The following DDHD1 variants were observed in gnomAD, a reference collection of about 807,000 sequenced individuals.
The protein encoded by DDHD1 is DDHD domain containing 1.
DDHD1 carries 49 observed loss-of-function variants against 96.4 expected under a neutral mutation model. That is an observed-to-expected ratio of 0.51 (90% confidence interval 0.40 to 0.64). The LOEUF (loss-of-function observed/expected upper bound fraction) is 0.64. Ranked by LOEUF, DDHD1 falls within the 30% of genes least tolerant of loss-of-function variation. DDHD1 has a pLI of 0.00. For missense variants in DDHD1, 1,106 were observed against 1,161.2 expected, an observed-to-expected ratio of 0.95 and a Z score of 0.69; for synonymous variants, 442 against 446.5, an observed-to-expected ratio of 0.99 and a Z score of 0.13.
At chr14:53,083,356 T>C (rs545200546) in intron 4 of DDHD1, among the ~76,000 whole-genome samples, 103 of 152,344 alleles carry the variant, frequency 6.8e-4, no homozygotes, top group African/African-American at 2.4e-3. Context: ...CCAAGTTCTA[T>C]GAAGAGTTCC....
chr14:53,117,299 G>A (rs1888620782), intron 1 of DDHD1, among the ~76,000 whole-genome samples: 1 of 152,180 alleles, frequency 6.6e-6, no homozygotes, highest in Non-Finnish European at 1.5e-5. Context: ...TGGTTGGACA[G>A]TGGGTGCAGC....
At chr14:53,056,054 G>A (rs759750677) in intron 9 of DDHD1, 142 bp from the exon 10 acceptor site, 4 of 708,652 alleles carry the variant, frequency 5.6e-6, no homozygotes, top group East Asian at 2.7e-5. Context: ...TTTCAAACAT[G>A]TATTTCTATT....
intron 4 of DDHD1, among the ~76,000 whole-genome samples, chr14:53,088,453 A>G (rs1886161120): frequency 6.6e-6 from 1 of 152,210 alleles, no homozygotes; most frequent in African/African-American, 2.4e-5. Context: ...CCAGCAGCAC[A>G]TCAAAAAGCG....
chr14:53,139,085 A>C (rs1474659244), intron 1 of DDHD1, among the ~76,000 whole-genome samples: 1 of 80,224 alleles, frequency 1.2e-5, no homozygotes, highest in African/African-American at 2.9e-5. Flanking sequence ...GAAAAAAAAA[A>C]AAAAACCACA....
chr14:53,145,659 A>G (rs1040067128), intron 1 of DDHD1, among the ~76,000 whole-genome samples: 1 of 152,206 alleles, frequency 6.6e-6, no homozygotes, highest in Non-Finnish European at 1.5e-5. Flanking sequence ...ATTTCCATTC[A>G]TATAGTTAAT....
At chr14:53,081,428 A>G (rs943990168) in intron 4 of DDHD1, among the ~76,000 whole-genome samples, 2 of 152,226 alleles carry the variant, frequency 1.3e-5, no homozygotes, top group African/African-American at 2.4e-5. Context: ...GAAGTGGTAC[A>G]TGTGCTGCTG....
chr14:53,052,555 T>C (rs920777825), intron 11 of DDHD1: 1 of 152,042 alleles, frequency 6.6e-6, no homozygotes, highest in African/African-American at 2.4e-5. Context: ...TTGCACGATA[T>C]AGCCAAGACA....
chr14:53,092,046 C>T, intron 3 of DDHD1, 114 bp from the exon 4 acceptor site: 2 of 1,013,490 alleles, frequency 2.0e-6, no homozygotes, highest in Admixed American at 5.5e-5. Context: ...ATTTCACTGG[C>T]TGTGGGGGAG....
chr14:53,153,289 C>CAT lies in DDHD1; in HGVS notation c.-192_-191insAT. 4.6e-6 allele frequency: 2 copies of CAT among 438,508 alleles called. No homozygotes were observed. The highest frequency in any genetic ancestry group is 7.6e-6 in the Non-Finnish European group (2 of 262,430). The allele number at this position is 438,508 out of a possible 1,614,324, so 27.2% of individuals were successfully genotyped here. A position where few individuals can be genotyped will look rare whatever the true frequency, so the allele number is the denominator to read the frequency against. ...CAGCCGCCGCAGCTGCGTTCTGCCG[C>CAT]CGGCCCCATTGTCACGCAGCCCGAC... On this transcript the variant is annotated 5_prime_UTR_variant, in exon 1 of 13. The change creates a new upstream start codon in the 5' untranslated region. Coordinates refer to ENST00000673822, the MANE Select transcript of DDHD1 (RefSeq NM_001160148.2).
chr14:53,086,861 T>A (rs1463588663), intron 4 of DDHD1, among the ~76,000 whole-genome samples: 1 of 148,856 alleles, frequency 6.7e-6, no homozygotes, highest in Non-Finnish European at 1.5e-5. Context: ...GACTGGCAAA[T>A]GGGATAAAGA....
At chr14:53,074,017 C>A (rs572627137) in intron 4 of DDHD1, among the ~76,000 whole-genome samples, 170 bp from the exon 5 acceptor site, 14 of 151,914 alleles carry the variant, frequency 9.2e-5, no homozygotes, top group Non-Finnish European at 2.1e-4. Flanking sequence ...TACTAGGATA[C>A]CTTCATTTCA....
chr14:53,085,101 G>A (rs1174446882), intron 4 of DDHD1, among the ~76,000 whole-genome samples: 1 of 152,230 alleles, frequency 6.6e-6, no homozygotes, highest in Non-Finnish European at 1.5e-5. Context: ...GGCTTGAGTA[G>A]GTAAATAAAG....
chr14:53,053,030 A>G (rs1882739820), intron 11 of DDHD1: 1 of 151,488 alleles, frequency 6.6e-6, no homozygotes, highest in Non-Finnish European at 1.5e-5. Flanking sequence ...GATTCTATAC[A>G]TACGTTTTCA....
At chr14:53,054,740 G>T in intron 10 of DDHD1, 111 bp from the exon 11 acceptor site, 2 of 987,422 alleles carry the variant, frequency 2.0e-6, no homozygotes, top group South Asian at 1.9e-5. Context: ...CCCTAGTCAT[G>T]TTTTTCCAGG....
chr14:53,131,091 G>A (rs1013370517), intron 1 of DDHD1, among the ~76,000 whole-genome samples: 1 of 152,104 alleles, frequency 6.6e-6, no homozygotes, highest in African/African-American at 2.4e-5. Context: ...GTGCCAGCTT[G>A]GACAACATTC....
intron 1 of DDHD1, among the ~76,000 whole-genome samples, chr14:53,125,479 C>T (rs191980491): frequency 2.0e-4 from 30 of 152,214 alleles, no homozygotes; most frequent in African/African-American, 7.0e-4. Context: ...TTGATTTTAG[C>T]TTAGTAGATA....
chr14:53,137,385 A>C (rs1307649595), intron 1 of DDHD1, among the ~76,000 whole-genome samples: 1 of 151,976 alleles, frequency 6.6e-6, no homozygotes, highest in Non-Finnish European at 1.5e-5. Flanking sequence ...TGAGGTCAGG[A>C]GTTTGAGAGC....
chr14:53,142,335 C>T (rs969231761), intron 1 of DDHD1, among the ~76,000 whole-genome samples: 6 of 152,158 alleles, frequency 3.9e-5, no homozygotes, highest in Non-Finnish European at 2.9e-5. Context: ...AGTGCCAGAA[C>T]CTAGCTGCCA....
chr14:53,061,369 T>C (rs1883540074), intron 7 of DDHD1, 168 bp from the exon 8 acceptor site: 5 of 499,940 alleles, frequency 1.0e-5, no homozygotes, highest in South Asian at 9.6e-5. Flanking sequence ...ACAGAAAGTA[T>C]ATAAAAATTT....
Sources: allele counts gnomAD v4.1 joint callset (sites outside exome capture counted in the v4.1 genomes callset), GRCh38; gene constraint gnomAD v4.1.1; transcripts MANE v1.5; gene names NCBI Gene and HGNC (gene_info 2026-07-23, HGNC 2026-07-21).